MOV10L1: variants seen among roughly 807,000 people sequenced by gnomAD.
MOV10L1 encodes the protein RNA helicase Mov10l1.
Under a neutral mutation model 143.8 loss-of-function variants are expected in MOV10L1, and 110 were observed. The observed-to-expected ratio is 0.76, with a 90% CI of 0.66 to 0.90. The LOEUF (loss-of-function observed/expected upper bound fraction) is 0.90, where lower values mean the gene tolerates loss of function less well. Among genes scored for constraint, MOV10L1 ranks in the 40% least tolerant of loss-of-function variants. The pLI is 0.00. For missense variants in MOV10L1, 1,406 were observed against 1,526.8 expected (o/e 0.92, Z 1.32); for synonymous variants, 593 against 581.1 (o/e 1.02, Z -0.29).
At chr22:50,139,183 G>A (rs930477452) in intron 15 of MOV10L1, among the ~76,000 whole-genome samples, 2 of 152,012 alleles carry the variant, frequency 1.3e-5, no homozygotes, top group African/African-American at 2.4e-5. Flanking sequence ...TGCAGGGCAC[G>A]CGCAAAACAT....
In MOV10L1 at chr22:50,115,175, G is replaced by T; in HGVS notation, c.1188G>T (p.Met396Ile). The T allele has an allele frequency of 6.4e-7, 1 of 1,569,000 alleles. No individual in the cohort carries two copies. The highest frequency in any genetic ancestry group is 8.6e-7 in the Non-Finnish European group (1 of 1,164,974). The change falls in exon 8 of 27, where the codon ATG becomes ATT. Residue 396 changes from methionine (M) to isoleucine (I), a missense_variant. Physicochemically the swap from Met to Ile is conservative, Grantham distance 10. This residue lies in a region of MOV10L1 where 1,233 missense variants were observed against 1,351.4 expected (regional missense o/e 0.91). Coordinates refer to ENST00000262794, the MANE Select transcript of MOV10L1 (RefSeq NM_018995.3). ...ACAACATTCTATCAAGGAAGCAGAT[G>T]ACAGAGCCTGAGCCTGGGGGGCTTG... is the stretch of plus-strand genomic sequence containing the variant. ...EKDNILSRKQ[M>I]TEPEPGGLVP...
rs1026603538 is a variant in MOV10L1 at position 50,117,340 on chromosome 22, C to G, written c.1443C>G (p.Thr481=). The change falls in exon 9 of 27, where the codon ACC becomes ACG. Residue 481 remains threonine, a synonymous_variant. Coordinates refer to ENST00000262794, the MANE Select transcript of MOV10L1 (RefSeq NM_018995.3). The part of the protein sequence containing the change: ...LTSAKTTVVV[T]AQKRNSRRQL... The stretch of plus-strand genomic sequence containing the variant: ...CCGCAAAAACTACAGTTGTTGTGAC[C>G]GCACAGAAAAGGTACCATAACTGAA... 1.2e-6 allele frequency: 2 copies of G among 1,613,378 alleles called. No homozygotes were observed. The highest frequency in any genetic ancestry group is 1.7e-6 in the Non-Finnish European group (2 of 1,179,750).
At chr22:50,108,406 T>C in intron 4 of MOV10L1, 158 bp downstream of exon 4, 1 of 811,328 alleles carries the variant, frequency 1.2e-6, no homozygotes, top group Non-Finnish European at 2.1e-6. Flanking sequence ...GACAATGCTG[T>C]GTTTCGTTTG....
intron 10 of MOV10L1, among the ~76,000 whole-genome samples, chr22:50,121,711 A>G (rs1031416043): frequency 1.3e-5 from 2 of 152,202 alleles, no homozygotes; most frequent in African/African-American, 2.4e-5. Flanking sequence ...TGGGTCTGCT[A>G]GGATGGAGAG....
At chr22:50,119,368 G>A (rs2062272531) in intron 9 of MOV10L1, among the ~76,000 whole-genome samples, 2 of 152,194 alleles carry the variant, frequency 1.3e-5, no homozygotes, top group South Asian at 2.1e-4. Flanking sequence ...ATCCGTGGCC[G>A]CCTGTCACAG....
In MOV10L1 at chr22:50,114,534, A is replaced by G; in HGVS notation, c.1038A>G (p.Glu346=). 6.2e-7 allele frequency: 1 copy of G among 1,614,244 alleles called. No individual in the cohort carries two copies. Among genetic ancestry groups the G allele is most frequent in the Non-Finnish European group, 8.5e-7 (1 of 1,180,050 alleles). ...CTGAGAAGGAGAATTCATCAGATGA[A>G]AATATTAATTCATTAAATAGCCACA... ...SVPEKENSSD[E]NINSLNSHTK... Residue 346 remains glutamate, a synonymous_variant, in exon 7 of 27, where the codon GAA becomes GAG. Coordinates refer to ENST00000262794, the MANE Select transcript of MOV10L1 (RefSeq NM_018995.3).
chr22:50,144,370 A>C, intron 18 of MOV10L1, 127 bp downstream of exon 18: 1 of 1,222,208 alleles, frequency 8.2e-7, no homozygotes, highest in Non-Finnish European at 1.1e-6. Flanking sequence ...GCTGTGTTTG[A>C]GAAATGGCTC....
chr22:50,090,550 A>G, intron 1 of MOV10L1: 1 of 1,595,118 alleles, frequency 6.3e-7, no homozygotes, highest in Non-Finnish European at 8.5e-7. Flanking sequence ...GGCCCCGCAG[A>G]CTTGGCCTGT....
chr22:50,117,028 T>G (rs1187441849), intron 8 of MOV10L1, 129 bp from the exon 9 acceptor site: 3 of 849,318 alleles, frequency 3.5e-6, no homozygotes, highest in Non-Finnish European at 5.4e-6. Flanking sequence ...TTTTTCTCTG[T>G]AAAAAGAATT....
intron 2 of MOV10L1, 92 bp downstream of exon 2, chr22:50,092,277 C>T: frequency 8.5e-7 from 1 of 1,177,272 alleles, no homozygotes. Context: ...CATGACCCGG[C>T]CAAGGGAGAA....
chr22:50,120,015 C>G (rs759774706), intron 9 of MOV10L1, among the ~76,000 whole-genome samples: 10 of 152,074 alleles, frequency 6.6e-5, no homozygotes, highest in Non-Finnish European at 1.0e-4. Context: ...TGTTCTTCAT[C>G]CTGAACAAAC....
chr22:50,113,430 C>A (rs1049214955), intron 5 of MOV10L1, among the ~76,000 whole-genome samples: 1 of 152,042 alleles, frequency 6.6e-6, no homozygotes, highest in African/African-American at 2.4e-5. Context: ...CTGTGGCTGT[C>A]CCCTGGGCTG....
rs2063558111 is a variant in MOV10L1, at chr22:50,161,444, A to G, written c.3631A>G (p.Ser1211Gly). Residue 1211 changes from serine (S) to glycine (G), a missense_variant, in exon 27 of 27, where the codon AGC becomes GGC. Transcript: ENST00000262794. ...AGGACCAGAGAAGCATCAGGAGCCCAGCTGATCTGCAGTGGCTGACAGCAG... is the reference window on the plus strand; with the variant it reads ...AGGACCAGAGAAGCATCAGGAGCCCGGCTGATCTGCAGTGGCTGACAGCAG... ...STGPEKHQEP[S>G] 1 of 1,588,076 alleles carries G rather than the reference A, an allele frequency of 6.3e-7. No homozygotes were observed. The highest frequency in any genetic ancestry group is 8.6e-7 in the Non-Finnish European group (1 of 1,167,198).
chr22:50,152,705 CGAGG>C lies in MOV10L1; in HGVS notation c.2893-335_2893-332del, dbSNP rs1386478837. 2.6e-5 allele frequency among the ~76,000 whole-genome samples: 4 copies of C among 152,124 alleles called. No individual in the cohort carries two copies. Among genetic ancestry groups the C allele is most frequent in the African/African-American group, 9.7e-5 (4 of 41,424 alleles). ...TTTCCAGGGTGAAGCTCTCAGCACA[CGAGG>C]GAGGCATCCACCTGCCCTCCACCCG... On this transcript the variant is annotated intron_variant, in intron 21 of 26. Transcript: ENST00000262794. This position sits in a 1 kb window ranked among gnomAD's most constrained non-coding sequence, Gnocchi z 4.4.
chr22:50,090,503 A>T, intron 1 of MOV10L1: 1 of 1,609,384 alleles, frequency 6.2e-7, no homozygotes, highest in Non-Finnish European at 8.5e-7. Flanking sequence ...CCGCAGCGTC[A>T]TTGGCGGTGG....
chr22:50,145,733 C>T lies in MOV10L1; in HGVS notation c.2550C>T (p.Asp850=). 1 of 1,614,180 alleles carries T rather than the reference C, an allele frequency of 6.2e-7. No individual in the cohort carries two copies. The highest frequency in any genetic ancestry group is 2.2e-5 in the East Asian group (1 of 44,886). ...AVKPYCRDGE[D]IWKASRFRII... ...AACCGTATTGCAGAGACGGAGAAGA[C>T]ATCTGGAAAGCCTCACGCTTCCGGA... Residue 850 remains aspartate (D), a synonymous_variant, in exon 19 of 27, where the codon GAC becomes GAT. Transcript: ENST00000262794.
chr22:50,147,113 C>T (rs1338311721), intron 19 of MOV10L1: 2 of 1,581,190 alleles, frequency 1.3e-6, no homozygotes, highest in South Asian at 2.3e-5. Context: ...GCAGAGCGGG[C>T]ACTGCATGGA....
chr22:50,108,887 G>C (rs1445820437), intron 5 of MOV10L1, 43 bp downstream of exon 5: 1 of 1,592,088 alleles, frequency 6.3e-7, no homozygotes, highest in South Asian at 1.1e-5. Flanking sequence ...GCTAACGCCT[G>C]TAATCCTAGC....
rs966557939 is a variant in MOV10L1 at position 50,141,194 on chromosome 22, C to T, written c.2071-887C>T. On this transcript the variant is annotated intron_variant, in intron 15 of 26. Transcript: ENST00000262794. The stretch of plus-strand genomic sequence containing the variant: ...GCCTCCCGAGTAGCTGGTGGCACCA[C>T]GGCCAGCTAATTTTTGTATTTTTAG... Among the ~76,000 whole-genome samples, 3 of 152,102 alleles carry T rather than the reference C, an allele frequency of 2.0e-5. No individual in the cohort carries two copies. The East Asian group carries it at 5.8e-4, about 29-fold the overall frequency.
Sources: gnomAD v4.1 joint callset for allele counts (sites outside exome capture counted in the v4.1 genomes callset) on GRCh38, gnomAD v4.1.1 for gene constraint, gnomAD v4.1.1 regional missense constraint, Gnocchi (gnomAD v3.1) non-coding constraint, MANE v1.5 for transcripts, NCBI Gene and HGNC (gene_info 2026-07-23, HGNC 2026-07-21) for gene names.